The following AIM2 variants were observed in gnomAD, a reference collection of about 807,000 sequenced individuals.
AIM2 encodes interferon-inducible protein AIM2.
In AIM2, 30 loss-of-function variants were observed where a neutral mutation model predicts 27.7. The observed-to-expected ratio is 1.08, with a 90% CI of 0.81 to 1.47. The LOEUF is 1.47. Among genes scored for constraint, AIM2 ranks in the 40% most tolerant of loss-of-function variants. The pLI is 0.00. For missense variants in AIM2, 358 were observed against 411.3 expected, an observed-to-expected ratio of 0.87 and a Z score of 1.12; for synonymous variants, 141 against 145.3, an observed-to-expected ratio of 0.97 and a Z score of 0.21.
At chr1:159,108,698 G>A (rs770034880) in intron 1 of AIM2, among the ~76,000 whole-genome samples, 23 of 152,058 alleles carry the variant, frequency 1.5e-4, no homozygotes, top group African/African-American at 4.1e-4. Context: ...GCAAAGTTTC[G>A]GGATACAAAA....
At chr1:159,141,694 C>T (rs114754841), upstream of AIM2, among the ~76,000 whole-genome samples, 957 of 152,212 alleles carry the variant, frequency 6.3e-3, 3 homozygotes, top group Non-Finnish European at 0.01. Context: ...CCTCACCACA[C>T]ACACAGCATC....
At chr1:159,074,535 T>A (rs1408768477) in intron 1 of AIM2, among the ~76,000 whole-genome samples, 2 of 152,152 alleles carry the variant, frequency 1.3e-5, no homozygotes, top group African/African-American at 4.8e-5. Context: ...ATCAACCTAT[T>A]TTTGTAACTT....
intron 1 of AIM2, among the ~76,000 whole-genome samples, chr1:159,133,853 GTGAT>G (rs1458593210): frequency 2.3e-4 from 35 of 152,138 alleles, no homozygotes; most frequent in African/African-American, 8.0e-4. Flanking sequence ...TTTTTCCTAT[GTGAT>G]CTTATTCATA....
intron 1 of AIM2, among the ~76,000 whole-genome samples, chr1:159,115,933 T>A (rs557068386): frequency 6.6e-6 from 1 of 152,050 alleles, no homozygotes; most frequent in African/African-American, 2.4e-5. Context: ...AATCTACTCA[T>A]CTGACAAAGG....
At chr1:159,075,609 TATAGAGAGAG>T (rs1337442583) in intron 1 of AIM2, among the ~76,000 whole-genome samples, 4 of 146,928 alleles carry the variant, frequency 2.7e-5, no homozygotes, top group Non-Finnish European at 6.0e-5. Flanking sequence ...TATATATATA[TATAGAGAGAG>T]AGAGAGAGAG....
chr1:159,070,105 G>T (rs1240533494), intron 2 of AIM2, among the ~76,000 whole-genome samples: 1 of 152,082 alleles, frequency 6.6e-6, no homozygotes, highest in East Asian at 1.9e-4. Flanking sequence ...CTAACTCCTG[G>T]CTTATGTTAA....
intron 1 of AIM2, among the ~76,000 whole-genome samples, chr1:159,074,672 T>C (rs1656518836): frequency 6.6e-6 from 1 of 152,108 alleles, no homozygotes; most frequent in African/African-American, 2.4e-5. Context: ...TGCATTCCTT[T>C]ATTTTAGTAC....
chr1:159,068,576 G>T lies in AIM2; in HGVS notation c.388C>A (p.His130Asn), dbSNP rs765337903. Residue 130 changes from histidine to asparagine, a missense_variant, in exon 3 of 6, where the codon CAT (histidine) becomes AAT (asparagine). By Grantham distance (68) the His-to-Asn change is moderately conservative. Coordinates refer to ENST00000368130, the MANE Select transcript of AIM2 (RefSeq NM_004833.3). The part of the protein sequence containing the change: ...KQRAAPKVSP[H>N]VKPEQKQMVA... ...CACTCTCCTTATCCTACCTTAACAT[G>T]AGGAGAGACTTTTGGTGCAGCACGT... 3.7e-6 allele frequency: 6 copies of T among 1,612,164 alleles called. No individual in the cohort carries two copies. The South Asian group carries it at 5.5e-5, about 15-fold the overall frequency.
Position 159,062,719 on chromosome 1 carries a change from C to T in AIM2, c.1006-1G>A. 6.2e-7 allele frequency: 1 copy of T among 1,612,858 alleles called. No homozygotes were observed. Among genetic ancestry groups the T allele is most frequent in the Non-Finnish European group, 8.5e-7 (1 of 1,179,566 alleles). On this transcript the variant is annotated splice_acceptor_variant, in intron 5 of 5. Coordinates refer to ENST00000368130, the MANE Select transcript of AIM2 (RefSeq NM_004833.3). LOFTEE classifies it high-confidence loss of function. ...ATGTTTTTTTTTTGGCCTTAATAAC[C>T]TGGATGGAGAAAAAAAACATGCAGT...
chr1:159,111,508 C>T (rs1657571128), intron 1 of AIM2, among the ~76,000 whole-genome samples: 1 of 151,980 alleles, frequency 6.6e-6, no homozygotes, highest in Admixed American at 6.6e-5. Context: ...TAAACAGTTA[C>T]ACAAAAAAAC....
chr1:159,101,001 A>C (rs1557904535), intron 1 of AIM2, among the ~76,000 whole-genome samples: 2 of 152,352 alleles, frequency 1.3e-5, no homozygotes, highest in East Asian at 3.9e-4. Context: ...ATCTACATAC[A>C]TAACAAGAAG....
intron 1 of AIM2, among the ~76,000 whole-genome samples, chr1:159,082,659 G>A (rs146085057): frequency 1.3e-5 from 2 of 152,190 alleles, no homozygotes; most frequent in South Asian, 2.1e-4. Flanking sequence ...ACTATCCCAC[G>A]TAGTATAAGA....
In AIM2 at chr1:159,068,600, G is replaced by A. The variant is rs748140754; in HGVS notation, c.364C>T (p.Arg122Cys). 17 of 1,613,738 alleles carry A rather than the reference G, an allele frequency of 1.1e-5. No individual in the cohort carries two copies. The highest frequency in any genetic ancestry group is 2.2e-5 in the South Asian group (2 of 91,046). The change falls in exon 3 of 6, where the codon CGT becomes TGT. Residue 122 changes from arginine (R) to cysteine (C), a missense_variant. Arg to Cys is a radical substitution (Grantham distance 180). Transcript: ENST00000368130. ...AAIRNDVAKQRAAPKVSPHVK... is the reference protein window; with the variant it reads ...AAIRNDVAKQCAAPKVSPHVK... The stretch of plus-strand genomic sequence containing the variant: ...TGAGGAGAGACTTTTGGTGCAGCAC[G>A]TTGCTTTGCGACATCATTTCTGATG...
chr1:159,074,497 G>T (rs1656510370), intron 1 of AIM2, among the ~76,000 whole-genome samples: 1 of 151,844 alleles, frequency 6.6e-6, no homozygotes, highest in Admixed American at 6.6e-5. Context: ...ATATGAGTGA[G>T]TCTATTTCTG....
intron 1 of AIM2, among the ~76,000 whole-genome samples, chr1:159,104,893 C>T (rs560876565): frequency 4.1e-4 from 62 of 152,288 alleles, no homozygotes; most frequent in African/African-American, 1.5e-3. Flanking sequence ...ATAATACCTA[C>T]GACATAGAGT....
chr1:159,081,514 A>G, upstream of AIM2: 1 of 523,638 alleles, frequency 1.9e-6, no homozygotes, highest in Non-Finnish European at 3.9e-6. Context: ...TAATTTTATT[A>G]ATAACATTGG....
chr1:159,092,061 T>C (rs1463765807), intron 1 of AIM2, among the ~76,000 whole-genome samples: 1 of 152,222 alleles, frequency 6.6e-6, no homozygotes, highest in Non-Finnish European at 1.5e-5. Context: ...CATCTTATCA[T>C]GAATTAAAAA....
upstream of AIM2, among the ~76,000 whole-genome samples, chr1:159,079,871 C>CA (rs1427958126): frequency 6.6e-6 from 1 of 152,148 alleles, no homozygotes; most frequent in Non-Finnish European, 1.5e-5. Flanking sequence ...TCCTGGCAAC[C>CA]ACTGATCTTT....
intron 1 of AIM2, among the ~76,000 whole-genome samples, chr1:159,138,954 A>T (rs1240105871): frequency 6.6e-6 from 1 of 152,262 alleles, no homozygotes; most frequent in East Asian, 1.9e-4. Flanking sequence ...TATCTTTAAA[A>T]TACAGTAATT....
Sources: allele counts gnomAD v4.1 joint callset (sites outside exome capture counted in the v4.1 genomes callset), GRCh38; gene constraint gnomAD v4.1.1; transcripts MANE v1.5; gene names NCBI Gene and HGNC (gene_info 2026-07-23, HGNC 2026-07-21).